The following RALGPS1 variants were observed in gnomAD, a reference collection of about 807,000 sequenced individuals.
The protein encoded by RALGPS1 is Ral GEF with PH domain and SH3 binding motif 1.
In RALGPS1, 19 loss-of-function variants were observed where a neutral mutation model predicts 78.8. The ratio of observed to expected loss-of-function variants is 0.24; its 90% CI spans 0.17 to 0.35. The LOEUF (loss-of-function observed/expected upper bound fraction) is 0.35. Among genes scored for constraint, RALGPS1 ranks in the 10% least tolerant of loss-of-function variants. The probability of loss-of-function intolerance (pLI) is 1.00; values close to 1 mark genes in which losing one functional copy is unlikely to be tolerated. For missense variants in RALGPS1, 454 were observed against 688.3 expected, an observed-to-expected ratio of 0.66 and a Z score of 3.81; for synonymous variants, 228 against 256.3, an observed-to-expected ratio of 0.89 and a Z score of 1.06.
chr9:127,161,396 T>C (rs1402680676), intron 8 of RALGPS1, among the ~76,000 whole-genome samples: 1 of 152,182 alleles, frequency 6.6e-6, no homozygotes, highest in African/African-American at 2.4e-5. Flanking sequence ...ACTGAGGCCC[T>C]GGGAGGTAAA....
intron 8 of RALGPS1, among the ~76,000 whole-genome samples, chr9:127,105,001 C>T (rs2054082069): frequency 6.6e-6 from 1 of 152,090 alleles, no homozygotes; most frequent in East Asian, 1.9e-4. Flanking sequence ...TGCAGAGAGA[C>T]CATCTGTTTT....
At chr9:127,188,014 C>G (rs1282201713) in intron 11 of RALGPS1, among the ~76,000 whole-genome samples, 4 of 150,278 alleles carry the variant, frequency 2.7e-5, no homozygotes, top group African/African-American at 7.3e-5. Context: ...TTAACACTCT[C>G]TCCAGATGGT....
At chr9:127,148,260 C>T (rs569270714) in intron 8 of RALGPS1, among the ~76,000 whole-genome samples, 3 of 152,338 alleles carry the variant, frequency 2.0e-5, no homozygotes, top group African/African-American at 7.2e-5. Flanking sequence ...AGCTGTGAGC[C>T]CCCAGCCTGG....
chr9:127,214,648 C>T (rs2062470921), intron 17 of RALGPS1, 103 bp from the exon 18 acceptor site: 3 of 1,499,094 alleles, frequency 2.0e-6, no homozygotes, highest in African/African-American at 2.9e-5. Context: ...TGGGGCCGAC[C>T]TTCCCACTTT....
chr9:127,032,145 C>T (rs1221553661), intron 4 of RALGPS1, among the ~76,000 whole-genome samples: 1 of 152,192 alleles, frequency 6.6e-6, no homozygotes, highest in African/African-American at 2.4e-5. Flanking sequence ...GTCTTAATCT[C>T]ATTTAATTGT....
At chr9:127,017,229 G>A (rs1260070458) in intron 4 of RALGPS1, among the ~76,000 whole-genome samples, 1 of 152,168 alleles carries the variant, frequency 6.6e-6, no homozygotes, top group Non-Finnish European at 1.5e-5. Flanking sequence ...AACCTAGGTG[G>A]CATAGCCTAC....
intron 12 of RALGPS1, 146 bp downstream of exon 12, chr9:127,195,363 G>A: frequency 2.5e-6 from 3 of 1,178,108 alleles, no homozygotes; most frequent in South Asian, 1.5e-5. Flanking sequence ...ATCCTGGCCA[G>A]TGCGCTTTCC....
At chr9:127,189,786 G>A (rs1184964902) in intron 11 of RALGPS1, among the ~76,000 whole-genome samples, 14 of 151,942 alleles carry the variant, frequency 9.2e-5, no homozygotes, top group South Asian at 4.1e-4. Context: ...GCAGCTCCCC[G>A]TCAGCCTAAC....
intron 7 of RALGPS1, among the ~76,000 whole-genome samples, chr9:127,060,399 C>A (rs1227424242): frequency 6.6e-6 from 1 of 152,136 alleles, no homozygotes; most frequent in African/African-American, 2.4e-5. Context: ...AAATCAGACA[C>A]CTGGGTTGAG....
At chr9:126,933,321 T>G (rs1026508352) in intron 1 of RALGPS1, among the ~76,000 whole-genome samples, 1 of 151,960 alleles carries the variant, frequency 6.6e-6, no homozygotes, top group Non-Finnish European at 1.5e-5. Context: ...CAACAATTAG[T>G]AGCAGGAGGT....
intron 8 of RALGPS1, chr9:127,108,164 C>A (rs946663816): frequency 1.2e-6 from 2 of 1,614,064 alleles, no homozygotes; most frequent in African/African-American, 1.3e-5. Context: ...TGGTTGTGGG[C>A]CAGTGTGGCC....
In RALGPS1 at chr9:127,216,909, G is replaced by C. The variant is rs763181099; in HGVS notation, c.1645-1831G>C. 6 of 1,543,614 alleles carry C rather than the reference G, an allele frequency of 3.9e-6. No individual in the cohort carries two copies. The East Asian group carries it at 9.8e-5, about 25-fold the overall frequency. On this transcript the variant is annotated intron_variant, in intron 18 of 18. Transcript: ENST00000259351. ...GAAGCTCCCCTACCACACACAGGAAGCCGGAGCAGCTCCAGGTCCAACAGG... is the reference window on the plus strand; with the variant it reads ...GAAGCTCCCCTACCACACACAGGAACCCGGAGCAGCTCCAGGTCCAACAGG...
chr9:127,140,091 C>T (rs917381269), intron 8 of RALGPS1, among the ~76,000 whole-genome samples: 2 of 152,104 alleles, frequency 1.3e-5, no homozygotes, highest in Admixed American at 6.6e-5. Context: ...TTGTTGTCAC[C>T]CTTATCACAG....
chr9:127,006,185 TC>T (rs1203297148), intron 4 of RALGPS1, among the ~76,000 whole-genome samples: 1 of 152,232 alleles, frequency 6.6e-6, no homozygotes, highest in African/African-American at 2.4e-5. Context: ...ACTCCTACTG[TC>T]TGCTTTTGCA....
rs538881439 is a variant in RALGPS1, at chr9:127,031,523, C to T, written c.217-2908C>T. Among the ~76,000 whole-genome samples, 21 of 152,304 alleles carry T rather than the reference C, an allele frequency of 1.4e-4. 1 individual carries two copies. The South Asian group carries it at 2.5e-3, about 18-fold the overall frequency. On this transcript the variant is annotated intron_variant, in intron 4 of 18. Coordinates refer to ENST00000259351, the MANE Select transcript of RALGPS1 (RefSeq NM_014636.3). Reference sequence around the variant, plus strand: ...CTACTGCCAGCCAGGCCCTGTGCCCCGCATGTCACCTCCCTTGTCAGGCTC... The same window carrying T: ...CTACTGCCAGCCAGGCCCTGTGCCCTGCATGTCACCTCCCTTGTCAGGCTC...
chr9:127,150,755 A>G (rs1330841804), intron 8 of RALGPS1, among the ~76,000 whole-genome samples: 1 of 152,202 alleles, frequency 6.6e-6, no homozygotes, highest in African/African-American at 2.4e-5. Flanking sequence ...AGCTCACCAG[A>G]TGGGATGCAA....
chr9:127,073,604 T>C (rs958013357), intron 8 of RALGPS1, among the ~76,000 whole-genome samples: 1 of 152,190 alleles, frequency 6.6e-6, no homozygotes, highest in Admixed American at 6.5e-5. Context: ...TCTTTTCCTT[T>C]GGATAAATAC....
intron 8 of RALGPS1, among the ~76,000 whole-genome samples, chr9:127,141,616 C>CAAAAAAAAA (rs61291398): frequency 3.9e-4 from 27 of 68,626 alleles, no homozygotes; most frequent in East Asian, 1.4e-3. Context: ...TTTTTAATGG[C>CAAAAAAAAA]AAAAAAAAAA....
chr9:127,168,592 A>G, intron 9 of RALGPS1, 87 bp from the exon 10 acceptor site: 1 of 926,880 alleles, frequency 1.1e-6, no homozygotes, highest in South Asian at 1.4e-5. Flanking sequence ...TCCTGGGAGC[A>G]TCTAAAATCA....
Sources: allele counts gnomAD v4.1 joint callset (sites outside exome capture counted in the v4.1 genomes callset), GRCh38; gene constraint gnomAD v4.1.1; transcripts MANE v1.5; gene names NCBI Gene and HGNC (gene_info 2026-07-23, HGNC 2026-07-21).